Variants in FAT3 observed in about 807,000 individuals in gnomAD.
The protein encoded by FAT3 is protocadherin Fat 3.
FAT3 carries 95 observed loss-of-function variants against 310.2 expected under a neutral mutation model. The observed-to-expected ratio is 0.31, with a 90% CI of 0.26 to 0.36. FAT3 has a LOEUF of 0.36. Ranked by LOEUF, FAT3 falls within the 10% of genes least tolerant of loss-of-function variation. The probability of loss-of-function intolerance (pLI) is 1.00; values close to 1 mark genes in which losing one functional copy is unlikely to be tolerated. For synonymous variants in FAT3, 2,314 were observed against 2,192.9 expected (o/e 1.06, Z -1.54); for missense variants, 5,408 against 5,715.6 (o/e 0.95, Z 1.74).
At chr11:92,235,931 A>T (rs547154133) in intron 1 of FAT3, among the ~76,000 whole-genome samples, 6 of 152,206 alleles carry the variant, frequency 3.9e-5, no homozygotes, top group Non-Finnish European at 8.8e-5. Context: ...ACCTAATAGT[A>T]CATTTGCATG....
intron 2 of FAT3, among the ~76,000 whole-genome samples, chr11:92,481,939 A>G (rs144635086): frequency 6.6e-6 from 1 of 152,326 alleles, no homozygotes; most frequent in East Asian, 1.9e-4. Flanking sequence ...TTAGAAAATT[A>G]AAGTTTCCTT....
intron 2 of FAT3, among the ~76,000 whole-genome samples, chr11:92,413,188 A>G (rs896355755): frequency 2.6e-5 from 4 of 152,146 alleles, no homozygotes; most frequent in Admixed American, 6.5e-5. Flanking sequence ...ATCATATTCT[A>G]TACAATTTTT....
rs541919487 is a variant in FAT3 at position 92,278,848 on chromosome 11, A to G, written c.-18+53674A>G. ...GGGATATTTCTCTGGAGACCAGCCC[A>G]TCTCAGGAGACAGTGTACCTGGAGT... On this transcript the variant is annotated intron_variant, in intron 1 of 27. Coordinates refer to ENST00000525166, the MANE Select transcript of FAT3 (RefSeq NM_001367949.2). 2.6e-5 allele frequency among the ~76,000 whole-genome samples: 4 copies of G among 152,292 alleles called. No homozygotes were observed. The East Asian group carries it at 5.8e-4, about 22-fold the overall frequency.
Position 92,352,503 on chromosome 11 carries a change from G to A in FAT3, c.391G>A (p.Gly131Ser). ...GGATAATTATTTATTGATAGTAAAA[G>A]GTTCTGTCAGAGGAGAGGATTTGGA... ...IQDNYLLIVK[G>S]SVRGEDLEAW... The change falls in exon 2 of 28, where the codon GGT becomes AGT. Residue 131 changes from glycine to serine, a missense_variant. Physicochemically the swap from Gly to Ser is moderately conservative, Grantham distance 56 (BLOSUM62 0). Coordinates refer to ENST00000525166, the MANE Select transcript of FAT3 (RefSeq NM_001367949.2). 1 of 1,613,076 alleles carries A rather than the reference G, an allele frequency of 6.2e-7. No homozygotes were observed. Among genetic ancestry groups the A allele is most frequent in the South Asian group, 1.1e-5 (1 of 90,568 alleles).
chr11:92,710,580 C>T (rs148452841), intron 4 of FAT3, among the ~76,000 whole-genome samples: 1 of 152,258 alleles, frequency 6.6e-6, no homozygotes, highest in Non-Finnish European at 1.5e-5. Flanking sequence ...TGGTATCAGC[C>T]AGAACAGAAT....
intron 1 of FAT3, among the ~76,000 whole-genome samples, chr11:92,243,311 T>C (rs1375571137): frequency 1.3e-5 from 2 of 152,052 alleles, no homozygotes; most frequent in Non-Finnish European, 2.9e-5. Flanking sequence ...TCTGCTGTCA[T>C]TGTTTCCATT....
At chr11:92,757,519 A>G (rs78650715) in intron 4 of FAT3, among the ~76,000 whole-genome samples, 21 of 152,274 alleles carry the variant, frequency 1.4e-4, no homozygotes, top group Non-Finnish European at 2.4e-4. Context: ...TACTCCTTTC[A>G]TATGGGCTAA....
intron 3 of FAT3, among the ~76,000 whole-genome samples, chr11:92,686,225 T>G (rs1943631660): frequency 1.3e-5 from 2 of 152,166 alleles, no homozygotes; most frequent in Admixed American, 1.3e-4. Flanking sequence ...AATGTGGATT[T>G]CTAGAATATT....
At chr11:92,659,238 G>A (rs1942688440) in intron 3 of FAT3, among the ~76,000 whole-genome samples, 1 of 152,106 alleles carries the variant, frequency 6.6e-6, no homozygotes, top group African/African-American at 2.4e-5. Context: ...ACATGAGTGG[G>A]GCTTAGATGT....
At chr11:92,847,378 A>C (rs1025647296) in intron 19 of FAT3, among the ~76,000 whole-genome samples, 8 of 152,220 alleles carry the variant, frequency 5.3e-5, no homozygotes, top group African/African-American at 1.2e-4. Context: ...GCCTGGGTGC[A>C]TAGTAGGCTG....
intron 7 of FAT3, among the ~76,000 whole-genome samples, chr11:92,788,954 T>C (rs1420944949): frequency 6.6e-6 from 1 of 152,166 alleles, no homozygotes; most frequent in Non-Finnish European, 1.5e-5. Flanking sequence ...ATTAACCAAA[T>C]GCAATGTTTG....
At chr11:92,347,907 G>A (rs1565243761) in intron 1 of FAT3, among the ~76,000 whole-genome samples, 1 of 152,012 alleles carries the variant, frequency 6.6e-6, no homozygotes, top group Non-Finnish European at 1.5e-5. Context: ...CTAAAATACT[G>A]TATCATATTG....
intron 1 of FAT3, among the ~76,000 whole-genome samples, chr11:92,278,613 CATAT>C (rs1342386995): frequency 2.6e-5 from 4 of 151,716 alleles, no homozygotes; most frequent in African/African-American, 9.7e-5. Context: ...TATGTGTCTA[CATAT>C]ATATATACAC....
intron 3 of FAT3, among the ~76,000 whole-genome samples, chr11:92,539,994 G>T (rs1565395829): frequency 1.3e-5 from 2 of 152,102 alleles, no homozygotes; most frequent in Admixed American, 1.3e-4. Flanking sequence ...TGAACAAAGG[G>T]CTTGACATTT....
chr11:92,453,989 GT>G (rs1951431566), intron 2 of FAT3, among the ~76,000 whole-genome samples: 1 of 151,798 alleles, frequency 6.6e-6, no homozygotes. Context: ...CACATATGTA[GT>G]TTTATATTTT....
chr11:92,807,969 A>G (rs532203809), intron 12 of FAT3, among the ~76,000 whole-genome samples: 4 of 152,302 alleles, frequency 2.6e-5, no homozygotes, highest in African/African-American at 9.6e-5. Context: ...ATAACTGACT[A>G]TTGAGTCTCC....
At chr11:92,740,486 C>A (rs373799024) in intron 4 of FAT3, among the ~76,000 whole-genome samples, 1 of 152,178 alleles carries the variant, frequency 6.6e-6, no homozygotes, top group Non-Finnish European at 1.5e-5. Context: ...CTGTCTGCCT[C>A]CCCTGTTGAA....
chr11:92,866,911 G>T lies in FAT3; in HGVS notation c.11829G>T (p.Ala3943=), dbSNP rs1402537908. 6.2e-7 allele frequency: 1 copy of T among 1,613,954 alleles called. No homozygotes were observed. Among genetic ancestry groups the T allele is most frequent in the South Asian group, 1.1e-5 (1 of 91,060 alleles). The change falls in exon 22 of 28, where the codon GCG becomes GCT. Residue 3943 remains alanine, a synonymous_variant. Transcript: ENST00000525166. ...ACAGCTACGTGGAGCGGCGCCGGGC[G>T]CCCCTCTACTTCCAGACGCTGAGCA... is the stretch of plus-strand genomic sequence containing the variant. ...LDDSYVERRR[A]PLYFQTLSTE...
At chr11:92,702,033 G>A (rs1944110703) in intron 4 of FAT3, among the ~76,000 whole-genome samples, 1 of 152,102 alleles carries the variant, frequency 6.6e-6, no homozygotes, top group African/African-American at 2.4e-5. Flanking sequence ...TTGTATTTTG[G>A]TACTGTTCAC....
Sources: allele counts gnomAD v4.1 joint callset (sites outside exome capture counted in the v4.1 genomes callset), GRCh38; gene constraint gnomAD v4.1.1; transcripts MANE v1.5; gene names NCBI Gene and HGNC (gene_info 2026-07-23, HGNC 2026-07-21).